PTPRD: variants seen among roughly 807,000 people sequenced by gnomAD.
The protein encoded by PTPRD is protein tyrosine phosphatase receptor type D, also known as receptor-type tyrosine-protein phosphatase delta.
A neutral mutation model predicts 214.5 loss-of-function variants in PTPRD; 34 were observed. The observed-to-expected ratio is 0.16, with a 90% CI of 0.12 to 0.21. PTPRD has a LOEUF of 0.21. Ranked by LOEUF, PTPRD falls within the 10% of genes least tolerant of loss-of-function variation. The pLI, the probability that PTPRD is intolerant of heterozygous loss-of-function variation, is 1.00. For synonymous variants in PTPRD, 1,128 were observed against 845.7 expected (o/e 1.33, Z -5.79); for missense variants, 2,545 against 2,398.7 (o/e 1.06, Z -1.27).
intron 30 of PTPRD, among the ~76,000 whole-genome samples, chr9:8,483,803 AAAAC>A (rs202069221): frequency 0.056 from 4,845 of 87,254 alleles, 136 homozygotes; most frequent in Admixed American, 0.13. Flanking sequence ...AACAAAAACA[AAAAC>A]AAACAAACAA....
At chr9:10,076,855 C>T (rs916399055) in intron 3 of PTPRD, among the ~76,000 whole-genome samples, 9 of 152,154 alleles carry the variant, frequency 5.9e-5, no homozygotes, top group African/African-American at 2.2e-4. Flanking sequence ...TGGTGCTCTA[C>T]GAACATGAAG....
At chr9:8,519,699 T>C (rs1451882005) in intron 20 of PTPRD, among the ~76,000 whole-genome samples, 1 of 152,204 alleles carries the variant, frequency 6.6e-6, no homozygotes, top group Non-Finnish European at 1.5e-5. Context: ...TCAGCACCCA[T>C]TCACCTCATT....
At chr9:8,708,443 G>A (rs1264267881) in intron 12 of PTPRD, among the ~76,000 whole-genome samples, 2 of 151,994 alleles carry the variant, frequency 1.3e-5, no homozygotes, top group African/African-American at 4.8e-5. Context: ...GGAGGCCGAG[G>A]TGGGCGGATC....
chr9:8,579,439 A>G (rs2092818074), intron 14 of PTPRD, among the ~76,000 whole-genome samples: 1 of 152,198 alleles, frequency 6.6e-6, no homozygotes, highest in Non-Finnish European at 1.5e-5. Flanking sequence ...AAATATGCCC[A>G]AGAAAAACTG....
intron 5 of PTPRD, among the ~76,000 whole-genome samples, chr9:9,874,796 G>A (rs1402321438): frequency 3.9e-5 from 6 of 152,130 alleles, no homozygotes; most frequent in Non-Finnish European, 7.4e-5. Flanking sequence ...ATTTGGAAAC[G>A]TATGTAGGAT....
At chr9:10,514,360 TATG>T (rs1240905184) in intron 2 of PTPRD, among the ~76,000 whole-genome samples, 4 of 151,642 alleles carry the variant, frequency 2.6e-5, no homozygotes, top group Non-Finnish European at 4.4e-5. Flanking sequence ...ATTGATAAAA[TATG>T]ATATGATCAT....
intron 6 of PTPRD, among the ~76,000 whole-genome samples, chr9:9,760,677 G>T (rs922104277): frequency 6.8e-6 from 1 of 147,284 alleles, no homozygotes; most frequent in African/African-American, 2.5e-5. Context: ...TTCCAGCACT[G>T]TTCATACGTG....
At chr9:10,355,446 C>T (rs962837173) in intron 2 of PTPRD, among the ~76,000 whole-genome samples, 25 of 150,936 alleles carry the variant, frequency 1.7e-4, no homozygotes, top group East Asian at 3.9e-4. Context: ...GTTCTATAGA[C>T]GACACTTTAG....
intron 23 of PTPRD, among the ~76,000 whole-genome samples, chr9:8,501,442 T>C (rs2097404505): frequency 2.0e-5 from 3 of 152,160 alleles, no homozygotes; most frequent in Non-Finnish European, 4.4e-5. Flanking sequence ...ATAGTGCTAG[T>C]ATTTACTTGA....
At chr9:9,856,720 C>G (rs1371421696) in intron 5 of PTPRD, among the ~76,000 whole-genome samples, 4 of 152,004 alleles carry the variant, frequency 2.6e-5, no homozygotes, top group South Asian at 2.1e-4. Flanking sequence ...TCTGATGGAC[C>G]CTGCAGCAGC....
intron 3 of PTPRD, among the ~76,000 whole-genome samples, chr9:10,184,329 G>T (rs142824180): frequency 0.054 from 8,164 of 152,194 alleles, 310 homozygotes; most frequent in Admixed American, 0.1. Flanking sequence ...GGAGGCTGAG[G>T]CATGAGAATC....
intron 11 of PTPRD, among the ~76,000 whole-genome samples, chr9:8,835,842 T>C (rs887848804): frequency 6.6e-6 from 1 of 152,202 alleles, no homozygotes; most frequent in African/African-American, 2.4e-5. Flanking sequence ...CTGGCAATTT[T>C]ATTCTTCATA....
intron 8 of PTPRD, among the ~76,000 whole-genome samples, chr9:9,412,956 T>C (rs1009599454): frequency 3.3e-5 from 5 of 152,086 alleles, no homozygotes; most frequent in African/African-American, 9.7e-5. Flanking sequence ...GATATAGTTT[T>C]GGCAGTGGAA....
chr9:9,342,369 A>G (rs572358210), intron 9 of PTPRD, among the ~76,000 whole-genome samples: 2 of 152,252 alleles, frequency 1.3e-5, no homozygotes, highest in South Asian at 4.1e-4. Context: ...TTTGTATACT[A>G]TTTTTTGTTT....
chr9:8,878,879 T>G (rs1057183930), intron 11 of PTPRD, among the ~76,000 whole-genome samples: 1 of 152,154 alleles, frequency 6.6e-6, no homozygotes, highest in Admixed American at 6.5e-5. Context: ...TTGGGGTGCA[T>G]AGCATAAGAA....
chr9:9,826,147 G>C (rs977449771), intron 5 of PTPRD, among the ~76,000 whole-genome samples: 5 of 151,684 alleles, frequency 3.3e-5, no homozygotes, highest in Middle Eastern at 3.4e-3. Context: ...GTCTTTAATA[G>C]TTTTTACGTC....
intron 7 of PTPRD, among the ~76,000 whole-genome samples, chr9:9,612,330 T>C (rs947140022): frequency 6.6e-6 from 1 of 152,172 alleles, no homozygotes; most frequent in Admixed American, 6.5e-5. Context: ...ACAGAAGCCC[T>C]CTGCCCTGCC....
chr9:9,039,601 G>C (rs990198186), intron 10 of PTPRD, among the ~76,000 whole-genome samples: 1 of 152,148 alleles, frequency 6.6e-6, no homozygotes, highest in Non-Finnish European at 1.5e-5. Flanking sequence ...AGTTGTAATA[G>C]AAACTGCCTG....
At chr9:9,729,048 A>G (rs1477257249) in intron 7 of PTPRD, among the ~76,000 whole-genome samples, 1 of 152,270 alleles carries the variant, frequency 6.6e-6, no homozygotes, top group Non-Finnish European at 1.5e-5. Flanking sequence ...AATTGTCAAA[A>G]TATGTCTTTG....
Sources: gnomAD v4.1 joint callset for allele counts (sites outside exome capture counted in the v4.1 genomes callset) on GRCh38, gnomAD v4.1.1 for gene constraint, MANE v1.5 for transcripts, NCBI Gene and HGNC (gene_info 2026-07-23, HGNC 2026-07-21) for gene names.